The following TAPT1 variants were observed in gnomAD, a reference collection of about 807,000 sequenced individuals.
TAPT1 encodes transmembrane anterior posterior transformation protein 1 homolog.
A neutral mutation model predicts 65.6 loss-of-function variants in TAPT1; 28 were observed. The ratio of observed to expected loss-of-function variants is 0.43; its 90% CI spans 0.32 to 0.59. The LOEUF is 0.59. Among genes scored for constraint, TAPT1 ranks in the 20% least tolerant of loss-of-function variants. TAPT1 has a pLI of 0.09. For synonymous variants in TAPT1, 278 were observed against 245.2 expected, an observed-to-expected ratio of 1.13 and a Z score of -1.25; for missense variants, 563 against 679.9, an observed-to-expected ratio of 0.83 and a Z score of 1.91.
intron 4 of TAPT1, 92 bp from the exon 5 acceptor site, chr4:16,188,447 T>C (rs963635893): frequency 2.8e-6 from 3 of 1,086,244 alleles, no homozygotes; most frequent in African/African-American, 3.2e-5. Flanking sequence ...TGGAGATCTG[T>C]GTTTTAAATC....
chr4:16,222,283 A>T (rs963110981), intron 1 of TAPT1, among the ~76,000 whole-genome samples: 1 of 152,220 alleles, frequency 6.6e-6, no homozygotes, highest in Admixed American at 6.5e-5. Context: ...AACCAAAATA[A>T]GTAACTTTTC....
At chr4:16,185,119 C>T (rs1748928959) in intron 7 of TAPT1, among the ~76,000 whole-genome samples, 1 of 151,136 alleles carries the variant, frequency 6.6e-6, no homozygotes, top group African/African-American at 2.4e-5. Flanking sequence ...TTATGAACCA[C>T]TATGAATTAA....
rs1040116775 is a variant in TAPT1, at chr4:16,161,387, A to G, written c.*1921T>C. On this transcript the variant is annotated 3_prime_UTR_variant, in exon 14 of 14. Coordinates refer to ENST00000405303, the MANE Select transcript of TAPT1 (RefSeq NM_153365.3). ...TGCCATTAAAACAGAAGAAATGAAC[A>G]TAATCCCGAACTCCCAACAGCATCT... is the stretch of plus-strand genomic sequence containing the variant. 3 of 152,802 alleles carry G rather than the reference A, an allele frequency of 2.0e-5. No homozygotes were observed. The highest frequency in any genetic ancestry group is 4.8e-5 in the African/African-American group (2 of 41,594). 9.5% of individuals were successfully genotyped at this position (152,802 alleles called of 1,614,324 possible).
rs1414419245 is a variant in TAPT1, at chr4:16,226,292, C to A, written c.166G>T (p.Asp56Tyr). The change falls in exon 1 of 14, where the codon GAC (aspartate) becomes TAC (tyrosine). Residue 56 changes from aspartate to tyrosine, a missense_variant. Physicochemically the swap from Asp to Tyr is radical, Grantham distance 160. This residue lies in a region of TAPT1 where 103 missense variants were observed against 89.4 expected (regional missense o/e 1.15). Transcript: ENST00000405303. Reference protein sequence around the residue: ...LTETLGFYESDRRRERRRGRT... With the variant: ...LTETLGFYESYRRRERRRGRT... ...CCCCGGCGCCTCTCCCGCCGCCGGT[C>A]GCTCTCGTAGAAGCCCAGCGTCTCT... is the stretch of plus-strand genomic sequence containing the variant. 1 of 1,129,098 alleles carries A rather than the reference C, an allele frequency of 8.9e-7. No individual in the cohort carries two copies. Among genetic ancestry groups the A allele is most frequent in the South Asian group, 4.3e-5 (1 of 23,482 alleles). 69.9% of individuals were successfully genotyped at this position (1,129,098 alleles called of 1,614,324 possible). A position where few individuals can be genotyped will look rare whatever the true frequency, so the allele number is the denominator to read the frequency against.
chr4:16,167,784 T>C (rs1261927397), intron 12 of TAPT1, among the ~76,000 whole-genome samples: 1 of 152,236 alleles, frequency 6.6e-6, no homozygotes, highest in African/African-American at 2.4e-5. Flanking sequence ...ATTTGTTCCA[T>C]ATCAGTTAAT....
At chr4:16,219,424 G>T (rs73234660) in intron 1 of TAPT1, among the ~76,000 whole-genome samples, 1 of 152,144 alleles carries the variant, frequency 6.6e-6, no homozygotes, top group Non-Finnish European at 1.5e-5. Context: ...TCTAAGAGCA[G>T]GCCCCATGTA....
At chr4:16,179,407 TTGTTGACTGAAGGTCATTAAG>T (rs1748567716) in intron 8 of TAPT1, 149 bp downstream of exon 8, 1 of 514,936 alleles carries the variant, frequency 1.9e-6, no homozygotes. Context: ...ATGTGGTCTA[TTGTTGACTGAAGGTCATTAAG>T]TGACAGATGA....
intron 1 of TAPT1, 35 bp from the exon 2 acceptor site, chr4:16,213,933 C>A: frequency 1.9e-6 from 3 of 1,565,486 alleles, no homozygotes; most frequent in Non-Finnish European, 8.6e-7. Context: ...ACAAAAAGAA[C>A]AGTATTTATC....
intron 3 of TAPT1, chr4:16,196,723 T>C: frequency 2.3e-6 from 3 of 1,285,348 alleles, no homozygotes; most frequent in Non-Finnish European, 3.0e-6. Flanking sequence ...CTCCCTTCGG[T>C]CTGATTTACG....
intron 11 of TAPT1, among the ~76,000 whole-genome samples, chr4:16,172,655 T>C (rs1453425017): frequency 6.6e-6 from 1 of 152,180 alleles, no homozygotes; most frequent in African/African-American, 2.4e-5. Context: ...TTAAGCCTAT[T>C]AATCATCTGT....
intron 11 of TAPT1, among the ~76,000 whole-genome samples, 173 bp downstream of exon 11, chr4:16,174,031 A>C (rs953770567): frequency 1.3e-5 from 2 of 152,238 alleles, no homozygotes; most frequent in African/African-American, 2.4e-5. Context: ...CAACCAATAG[A>C]TATTTGGATA....
chr4:16,214,142 A>G (rs145247333), intron 1 of TAPT1, among the ~76,000 whole-genome samples: 2 of 152,350 alleles, frequency 1.3e-5, no homozygotes, highest in East Asian at 3.9e-4. Context: ...GGGCTAGAAT[A>G]GTCAGAAAAG....
chr4:16,215,838 C>G (rs1345220956), intron 1 of TAPT1, among the ~76,000 whole-genome samples: 1 of 152,158 alleles, frequency 6.6e-6, no homozygotes. Context: ...AGAACCAGAA[C>G]AAGATCTGCT....
chr4:16,207,306 T>C (rs1750405846), intron 2 of TAPT1, among the ~76,000 whole-genome samples: 1 of 152,178 alleles, frequency 6.6e-6, no homozygotes, highest in South Asian at 2.1e-4. Flanking sequence ...CCAGGACTGT[T>C]TTACTGAAAT....
chr4:16,185,911 A>G (rs909602089), intron 7 of TAPT1, among the ~76,000 whole-genome samples: 9 of 152,188 alleles, frequency 5.9e-5, no homozygotes, highest in African/African-American at 9.7e-5. Context: ...AAATGTCACC[A>G]TGGCAGAAGA....
chr4:16,203,549 G>T (rs2149704899), intron 2 of TAPT1, among the ~76,000 whole-genome samples: 2 of 152,288 alleles, frequency 1.3e-5, no homozygotes, highest in South Asian at 4.2e-4. Context: ...AGGTCATTAG[G>T]GTGGGCCCTA....
rs1349085629 is a variant in TAPT1 at position 16,166,696 on chromosome 4, G to A, written c.1411C>T (p.Pro471Ser). 2.5e-6 allele frequency: 4 copies of A among 1,614,002 alleles called. No individual in the cohort carries two copies. The highest frequency in any genetic ancestry group is 1.7e-5 in the Admixed American group (1 of 60,022). ...GGCTTGCCTGGAGTGCAGGTTGCGGGAGGATTCGACAGCTTCTCTTCCATT... is the reference window on the plus strand; with the variant it reads ...GGCTTGCCTGGAGTGCAGGTTGCGGAAGGATTCGACAGCTTCTCTTCCATT... ...AKMEEKLSNP[P>S]ATCTPGKPSS... is the part of the protein sequence containing the mutation. The change falls in exon 13 of 14, where the codon CCC becomes TCC. Residue 471 changes from proline to serine, a missense_variant. Physicochemically the swap from Pro to Ser is moderately conservative, Grantham distance 74 (BLOSUM62 -1). Coordinates refer to ENST00000405303, the MANE Select transcript of TAPT1 (RefSeq NM_153365.3).
At chr4:16,172,247 C>A (rs1286290460) in intron 11 of TAPT1, among the ~76,000 whole-genome samples, 1 of 151,158 alleles carries the variant, frequency 6.6e-6, no homozygotes, top group African/African-American at 2.4e-5. Flanking sequence ...AATACTATTT[C>A]AAAAAAAGTT....
intron 1 of TAPT1, among the ~76,000 whole-genome samples, chr4:16,224,956 T>G (rs1751460053): frequency 6.6e-6 from 1 of 152,232 alleles, no homozygotes; most frequent in Non-Finnish European, 1.5e-5. Context: ...GCTACATCTA[T>G]CTCTATTTAC....
Sources: gnomAD v4.1 joint callset for allele counts (sites outside exome capture counted in the v4.1 genomes callset) on GRCh38, gnomAD v4.1.1 for gene constraint, gnomAD v4.1.1 regional missense constraint, MANE v1.5 for transcripts, NCBI Gene and HGNC (gene_info 2026-07-23, HGNC 2026-07-21) for gene names.